The following WDR17 variants were observed in gnomAD, a reference collection of about 807,000 sequenced individuals.
WDR17 encodes WD repeat domain 17.
Under a neutral mutation model 161.7 loss-of-function variants are expected in WDR17, and 143 were observed. That is an observed-to-expected ratio of 0.88 (90% CI 0.77 to 1.02). The LOEUF (loss-of-function observed/expected upper bound fraction) is 1.02. Among genes scored for constraint, WDR17 ranks in the 50% least tolerant of loss-of-function variants. The pLI, the probability that WDR17 is intolerant of heterozygous loss-of-function variation, is 0.00. For synonymous variants in WDR17, 517 were observed against 515.6 expected, an observed-to-expected ratio of 1.00 and a Z score of -0.04; for missense variants, 1,469 against 1,520.9, an observed-to-expected ratio of 0.97 and a Z score of 0.57.
At chr4:176,165,332 G>T (rs1366270046) in intron 22 of WDR17, among the ~76,000 whole-genome samples, 1 of 152,062 alleles carries the variant, frequency 6.6e-6, no homozygotes, top group Non-Finnish European at 1.5e-5. Flanking sequence ...TCATGCCACT[G>T]CACTCCAGCC....
intron 1 of WDR17, among the ~76,000 whole-genome samples, chr4:176,106,003 A>G (rs1450068093): frequency 6.6e-6 from 1 of 152,098 alleles, no homozygotes; most frequent in Non-Finnish European, 1.5e-5. Flanking sequence ...ATCTCTACAG[A>G]TTATAAAGAA....
intron 25 of WDR17, among the ~76,000 whole-genome samples, chr4:176,174,198 T>TGGAAAAAATGGAAAAATGG (rs1404261650): frequency 6.6e-6 from 1 of 151,980 alleles, no homozygotes; most frequent in Non-Finnish European, 1.5e-5. Flanking sequence ...TTTTAAAGCC[T>TGGAAAAAATGGAAAAATGG]AAATGGAAAA....
intron 1 of WDR17, among the ~76,000 whole-genome samples, chr4:176,102,456 A>T (rs536775595): frequency 1.3e-5 from 2 of 152,312 alleles, no homozygotes; most frequent in Admixed American, 1.3e-4. Flanking sequence ...AAAGCTAAAC[A>T]TATTCTTACT....
intron 1 of WDR17, among the ~76,000 whole-genome samples, chr4:176,106,600 C>A (rs1738761317): frequency 6.6e-6 from 1 of 152,124 alleles, no homozygotes; most frequent in African/African-American, 2.4e-5. Context: ...AAGGCACAGG[C>A]ATCAAAAGCA....
At chr4:176,114,952 G>A (rs1211493241) in intron 2 of WDR17, among the ~76,000 whole-genome samples, 3 of 151,846 alleles carry the variant, frequency 2.0e-5, no homozygotes. Flanking sequence ...GAGTGAACAG[G>A]GAGGAACATG....
chr4:176,096,654 T>C, intron 1 of WDR17: 1 of 1,257,400 alleles, frequency 8.0e-7, no homozygotes. Flanking sequence ...CATATAGTTT[T>C]ATATCTGTGT....
chr4:176,143,499 T>TAA (rs10646644), intron 11 of WDR17, among the ~76,000 whole-genome samples: 25,750 of 136,514 alleles, frequency 0.19, 2,534 homozygotes, highest in South Asian at 0.26. Flanking sequence ...CTTCGTCTCT[T>TAA]AAAAAAAAAA....
intron 1 of WDR17, among the ~76,000 whole-genome samples, chr4:176,107,388 G>A (rs981047797): frequency 6.7e-6 from 1 of 149,216 alleles, no homozygotes. Flanking sequence ...TTGCAAAAAA[G>A]TAAAAATAGA....
chr4:176,119,869 A>T lies in WDR17; in HGVS notation c.310A>T (p.Ile104Phe), dbSNP rs1741264050. ...TATCTGTATTTAATGTATTCCAGGG[A>T]TCCCTGCTTCTCTTAGTTGGTGCTG... ...VIAKLDSTKG[I>F]PASLSWCWNA... Residue 104 changes from isoleucine to phenylalanine, a missense_variant and splice_region_variant, in exon 4 of 29, where the codon ATC becomes TTC. Ile to Phe is a conservative substitution (Grantham distance 21). Coordinates refer to ENST00000508596, the MANE Select transcript of WDR17 (RefSeq NM_181265.4). 3 of 1,613,648 alleles carry T rather than the reference A, an allele frequency of 1.9e-6. No homozygotes were observed. In the East Asian group the frequency reaches 6.7e-5, roughly 36 times the overall value.
chr4:176,116,935 A>T (rs189091724), intron 3 of WDR17, among the ~76,000 whole-genome samples: 1 of 151,998 alleles, frequency 6.6e-6, no homozygotes, highest in African/African-American at 2.4e-5. Flanking sequence ...TTATTACTCA[A>T]CTGTTAAAGA....
At chr4:176,112,579 A>G (rs368891237) in intron 2 of WDR17, among the ~76,000 whole-genome samples, 1 of 152,266 alleles carries the variant, frequency 6.6e-6, no homozygotes, top group African/African-American at 2.4e-5. Flanking sequence ...CTTTGCTTAC[A>G]CTAATTTTTC....
In WDR17 at chr4:176,177,804, TTA is replaced by T. The variant is rs1414708795; in HGVS notation, c.3732+151_3732+152del. On this transcript the variant is annotated intron_variant, in intron 28 of 28. Coordinates refer to ENST00000508596, the MANE Select transcript of WDR17 (RefSeq NM_181265.4). ...AATATTACCTCTAGTGCTTCCATAG[TTA>T]GTACAAGTGGCCTCTTTCTGCCTAA... is the stretch of plus-strand genomic sequence containing the variant. 2.7e-4 allele frequency: 186 copies of T among 693,250 alleles called. 1 individual carries two copies. In the African/African-American group the frequency reaches 3.0e-3, roughly 11 times the overall value. The allele number at this position is 693,250 out of a possible 1,614,324, so 42.9% of individuals were successfully genotyped here. A position where few individuals can be genotyped will look rare whatever the true frequency, so the allele number is the denominator to read the frequency against.
chr4:176,130,523 T>A (rs1338853720), intron 6 of WDR17, among the ~76,000 whole-genome samples: 1 of 152,076 alleles, frequency 6.6e-6, no homozygotes, highest in East Asian at 1.9e-4. Flanking sequence ...GGCGGGCAGA[T>A]CACAAGGTCA....
intron 5 of WDR17, among the ~76,000 whole-genome samples, chr4:176,126,448 C>T (rs185597228): frequency 1.6e-4 from 24 of 152,238 alleles, no homozygotes; most frequent in Admixed American, 1.5e-3. Flanking sequence ...TTTATCCTCT[C>T]AAAATTTTAA....
rs529097954 is a variant in WDR17, at chr4:176,074,196, T to TA, written c.-7+8118dup. ...TTGCCCATGCCTATGTCCTGAATGGTATTGCCTAAGTTTTCTTCTAGGGTT... is the reference window on the plus strand; with the variant it reads ...TTGCCCATGCCTATGTCCTGAATGGTAATTGCCTAAGTTTTCTTCTAGGGTT... On this transcript the variant is annotated intron_variant, in intron 1 of 28. Transcript: ENST00000508596. Among the ~76,000 whole-genome samples the TA allele has an allele frequency of 5.9e-3, 897 of 151,638 alleles. 10 individuals are homozygous for TA. The highest frequency in any genetic ancestry group is 0.02 in the African/African-American group (835 of 41,476).
chr4:176,077,219 G>A (rs951031904), intron 1 of WDR17, among the ~76,000 whole-genome samples: 1 of 150,138 alleles, frequency 6.7e-6, no homozygotes, highest in Non-Finnish European at 1.5e-5. Context: ...TATAAGGGCG[G>A]GGGTCATGGA....
intron 10 of WDR17, among the ~76,000 whole-genome samples, chr4:176,140,768 A>T (rs899865942): frequency 3.9e-5 from 6 of 152,062 alleles, no homozygotes; most frequent in African/African-American, 1.4e-4. Flanking sequence ...GAAACCAAAG[A>T]TCCTTACCGG....
chr4:176,167,510 G>A (rs1222210636), intron 22 of WDR17, among the ~76,000 whole-genome samples: 2 of 150,266 alleles, frequency 1.3e-5, no homozygotes, highest in East Asian at 2.0e-4. Context: ...GCCGGGCGAG[G>A]TGGCGGGCGC....
chr4:176,152,622 A>AG (rs1747382482), intron 17 of WDR17, among the ~76,000 whole-genome samples: 2 of 123,034 alleles, frequency 1.6e-5, no homozygotes, highest in African/African-American at 3.0e-5. Context: ...AAAAAAAAAA[A>AG]GGGAAAGAAA....
Sources: gnomAD v4.1 joint callset for allele counts (sites outside exome capture counted in the v4.1 genomes callset) on GRCh38, gnomAD v4.1.1 for gene constraint, MANE v1.5 for transcripts, NCBI Gene and HGNC (gene_info 2026-07-23, HGNC 2026-07-21) for gene names.